Variants in EYA2 observed in about 807,000 individuals in gnomAD.
EYA2 encodes the protein protein phosphatase EYA2.
EYA2 carries 31 observed loss-of-function variants against 69.2 expected under a neutral mutation model. The ratio of observed to expected loss-of-function variants is 0.45; its 90% CI spans 0.34 to 0.60. The LOEUF (loss-of-function observed/expected upper bound fraction) is 0.60. Among genes scored for constraint, EYA2 ranks in the 20% least tolerant of loss-of-function variants. The probability of loss-of-function intolerance (pLI) is 0.02; values close to 1 mark genes in which losing one functional copy is unlikely to be tolerated. For missense variants in EYA2, 622 were observed against 701.2 expected, an observed-to-expected ratio of 0.89 and a Z score of 1.28; for synonymous variants, 257 against 279.4, an observed-to-expected ratio of 0.92 and a Z score of 0.80.
At chr20:47,041,397 C>G (rs1194298997) in intron 5 of EYA2, among the ~76,000 whole-genome samples, 1 of 152,256 alleles carries the variant, frequency 6.6e-6, no homozygotes, top group Non-Finnish European at 1.5e-5. Flanking sequence ...TCCCCAGAAG[C>G]AGCCCCCATC....
intron 1 of EYA2, among the ~76,000 whole-genome samples, chr20:46,942,983 C>T (rs1404057546): frequency 1.3e-5 from 2 of 152,218 alleles, no homozygotes; most frequent in Non-Finnish European, 2.9e-5. Flanking sequence ...CCAGGCTGCT[C>T]TCAAACTCCT....
chr20:47,062,196 C>T (rs1163825596), intron 5 of EYA2, among the ~76,000 whole-genome samples: 3 of 152,234 alleles, frequency 2.0e-5, no homozygotes, highest in African/African-American at 4.8e-5. Flanking sequence ...ACCACCACCC[C>T]AGGAGCACTT....
At chr20:47,129,720 C>T (rs1344089167) in intron 9 of EYA2, among the ~76,000 whole-genome samples, 1 of 152,164 alleles carries the variant, frequency 6.6e-6, no homozygotes, top group Admixed American at 6.6e-5. Context: ...AGAGGGGCTC[C>T]TTGTCTTCCT....
rs1419280767 is a variant in EYA2 at position 47,016,211 on chromosome 20, C to T, written c.329C>T (p.Ser110Phe). Residue 110 changes from serine to phenylalanine, a missense_variant, in exon 5 of 16, where the codon TCC (serine) becomes TTC (phenylalanine). Physicochemically the swap from Ser to Phe is radical, Grantham distance 155 (BLOSUM62 -2). Transcript: ENST00000327619. ...AAGACAGAAGACAGCTTGAACCATT[C>T]CCCTGGCCAGAGTGGATTCCTCAGC... The part of the protein sequence containing the change: ...SIKTEDSLNH[S>F]PGQSGFLSYG... 6.2e-7 allele frequency: 1 copy of T among 1,614,130 alleles called. No homozygotes were observed. The highest frequency in any genetic ancestry group is 1.1e-5 in the South Asian group (1 of 91,078).
chr20:47,142,220 C>T (rs1236153936), intron 9 of EYA2, among the ~76,000 whole-genome samples: 1 of 152,212 alleles, frequency 6.6e-6, no homozygotes, highest in African/African-American at 2.4e-5. Flanking sequence ...CCAGGTATGG[C>T]GTGGGGGCTG....
chr20:47,085,561 G>A (rs1254174472), intron 7 of EYA2, among the ~76,000 whole-genome samples: 2 of 151,830 alleles, frequency 1.3e-5, no homozygotes, highest in South Asian at 2.1e-4. Context: ...CAGGAGAATC[G>A]CTTGAACCGG....
intron 1 of EYA2, among the ~76,000 whole-genome samples, chr20:46,958,598 A>G (rs925131090): frequency 2.0e-5 from 3 of 152,164 alleles, no homozygotes; most frequent in African/African-American, 4.8e-5. Flanking sequence ...GGTTCGTTCT[A>G]TAGGCAAACT....
At chr20:46,971,989 T>A (rs1980173781) in intron 1 of EYA2, among the ~76,000 whole-genome samples, 1 of 152,186 alleles carries the variant, frequency 6.6e-6, no homozygotes, top group Non-Finnish European at 1.5e-5. Flanking sequence ...GCAGTATATT[T>A]TAAGATAGTG....
At chr20:46,924,005 A>G (rs991608722) in intron 1 of EYA2, among the ~76,000 whole-genome samples, 2 of 152,166 alleles carry the variant, frequency 1.3e-5, no homozygotes, top group African/African-American at 4.8e-5. Context: ...CTCTTTGTAT[A>G]ACAAAGAGAG....
chr20:46,902,887 T>C lies in EYA2; in HGVS notation c.-11+7900T>C, dbSNP rs535695257. Reference sequence around the variant, plus strand: ...AAGACCATACGGCCTGCAAAGACTATCTGGCCCTTTACAGAAAAAGTTTGC... The same window carrying C: ...AAGACCATACGGCCTGCAAAGACTACCTGGCCCTTTACAGAAAAAGTTTGC... On this transcript the variant is annotated intron_variant, in intron 1 of 15. Transcript: ENST00000327619. Among the ~76,000 whole-genome samples the C allele has an allele frequency of 3.3e-5, 5 of 152,334 alleles. 1 individual carries two copies. In the Middle Eastern group the frequency reaches 0.01, roughly 311 times the overall value.
intron 9 of EYA2, among the ~76,000 whole-genome samples, chr20:47,123,753 G>A (rs2146563108): frequency 6.6e-6 from 1 of 152,318 alleles, no homozygotes; most frequent in East Asian, 1.9e-4. Context: ...CACTTTGGGA[G>A]GCCGAGGCAG....
rs1169533209 is a variant in EYA2, at chr20:46,987,976, A to C, written c.-10-2025A>C. On this transcript the variant is annotated intron_variant, in intron 1 of 15. Coordinates refer to ENST00000327619, the MANE Select transcript of EYA2 (RefSeq NM_005244.5). Reference sequence around the variant, plus strand: ...TCTCTCTCTCTCTCTATATATATATATATATATATATATATATATATGGGG... The same window carrying C: ...TCTCTCTCTCTCTCTATATATATATCTATATATATATATATATATATGGGG... Among the ~76,000 whole-genome samples, 79 of 47,738 alleles carry C rather than the reference A, an allele frequency of 1.7e-3. 1 individual carries two copies. Among genetic ancestry groups the C allele is most frequent in the African/African-American group, 2.6e-3 (23 of 8,990 alleles). The allele number at this position is 47,738 out of a possible 152,430, so 31.3% of individuals were successfully genotyped here.
intron 1 of EYA2, among the ~76,000 whole-genome samples, chr20:46,910,844 AG>A (rs1273108144): frequency 1.3e-5 from 2 of 152,226 alleles, no homozygotes; most frequent in Non-Finnish European, 2.9e-5. Flanking sequence ...ACAAAAATGT[AG>A]ATTGCTGGCT....
chr20:47,034,371 G>A, intron 5 of EYA2, among the ~76,000 whole-genome samples: 1 of 152,196 alleles, frequency 6.6e-6, no homozygotes, highest in Non-Finnish European at 1.5e-5. Flanking sequence ...TGATATAAGG[G>A]AAATATTAAA....
intron 10 of EYA2, among the ~76,000 whole-genome samples, chr20:47,146,204 C>T (rs556299072): frequency 2.0e-4 from 30 of 152,198 alleles, no homozygotes; most frequent in African/African-American, 6.0e-4. Context: ...GTCTGGGGTA[C>T]GTGGGGTTTG....
intron 9 of EYA2, among the ~76,000 whole-genome samples, chr20:47,130,426 C>G (rs374215148): frequency 0.018 from 2,721 of 150,392 alleles, 72 homozygotes; most frequent in East Asian, 0.071. Flanking sequence ...CATCACGCCC[C>G]GCTAATTTTT....
rs2031336515 is a variant in EYA2, at chr20:47,072,166, C to T, written c.416-19C>T. On this transcript the variant is annotated intron_variant, in intron 5 of 15. Transcript: ENST00000327619. ...AAGACAAGAACCCTAACCTGTACCC[C>T]TGTTCCTCCTTCCCACAGGCACAAC... 2 of 1,609,912 alleles carry T rather than the reference C, an allele frequency of 1.2e-6. No individual in the cohort carries two copies. The highest frequency in any genetic ancestry group is 1.7e-6 in the Non-Finnish European group (2 of 1,177,222).
At chr20:47,059,892 G>C (rs948481373) in intron 5 of EYA2, among the ~76,000 whole-genome samples, 2 of 152,174 alleles carry the variant, frequency 1.3e-5, no homozygotes, top group Non-Finnish European at 2.9e-5. Context: ...CCACACTGAG[G>C]ACCCAGGAAC....
intron 7 of EYA2, among the ~76,000 whole-genome samples, chr20:47,086,345 G>T (rs1041461157): frequency 3.3e-5 from 5 of 152,170 alleles, no homozygotes; most frequent in African/African-American, 1.2e-4. Flanking sequence ...AATTAGCCAG[G>T]TATGGTGGCG....
Sources: gnomAD v4.1 joint callset for allele counts (sites outside exome capture counted in the v4.1 genomes callset) on GRCh38, gnomAD v4.1.1 for gene constraint, MANE v1.5 for transcripts, NCBI Gene and HGNC (gene_info 2026-07-23, HGNC 2026-07-21) for gene names.